Variants in SLC7A8 observed in about 807,000 individuals in gnomAD.
The protein encoded by SLC7A8 is large neutral amino acids transporter small subunit 2.
SLC7A8 carries 30 observed loss-of-function variants against 51.2 expected under a neutral mutation model. The observed-to-expected ratio is 0.59, with a 90% CI of 0.44 to 0.80. The LOEUF is 0.80. SLC7A8 is among the 30% of genes least tolerant of loss of function. The pLI is 0.00. For synonymous variants in SLC7A8, 257 were observed against 275.8 expected (o/e 0.93, Z 0.67); for missense variants, 612 against 674.4 (o/e 0.91, Z 1.03).
At chr14:23,135,178 C>T (rs1304191376) in intron 7 of SLC7A8, among the ~76,000 whole-genome samples, 2 of 152,048 alleles carry the variant, frequency 1.3e-5, no homozygotes, top group African/African-American at 2.4e-5. Context: ...ACCTCCGCCT[C>T]CTGGGTTCAA....
intron 3 of SLC7A8, among the ~76,000 whole-genome samples, chr14:23,161,593 G>GGTAGGTGGGTGGGT (rs1303751053): frequency 6.9e-6 from 1 of 144,336 alleles, no homozygotes; most frequent in Admixed American, 6.9e-5. Flanking sequence ...TGATGGTGGG[G>GGTAGGTGGGTGGGT]GTAGGTGGGT....
In SLC7A8 at chr14:23,144,114, C is replaced by CT. The variant is rs1300981717; in HGVS notation, c.509-911dup. 5.3e-5 allele frequency among the ~76,000 whole-genome samples: 8 copies of CT among 151,898 alleles called. No individual in the cohort carries two copies. The East Asian group carries it at 1.4e-3, about 26-fold the overall frequency. ...TTGTGATAAATACTTGTGTAGATGT[C>CT]TTTTTTCTTTTTGTGGATTGTAGAG... On this transcript the variant is annotated intron_variant, in intron 3 of 10. Coordinates refer to ENST00000316902, the MANE Select transcript of SLC7A8 (RefSeq NM_012244.4).
intron 6 of SLC7A8, among the ~76,000 whole-genome samples, chr14:23,138,936 G>A (rs958197145): frequency 1.4e-4 from 22 of 152,140 alleles, no homozygotes; most frequent in African/African-American, 4.6e-4. Flanking sequence ...CTTCTTAGAT[G>A]TGAAGGATCC....
intron 1 of SLC7A8, among the ~76,000 whole-genome samples, chr14:23,179,470 T>C (rs1413206909): frequency 1.3e-5 from 2 of 150,532 alleles, no homozygotes; most frequent in Admixed American, 6.6e-5. Flanking sequence ...ATGAGAGAGA[T>C]AGATTTAGGG....
At chr14:23,180,153 G>A (rs574249757) in intron 1 of SLC7A8, among the ~76,000 whole-genome samples, 25 of 152,270 alleles carry the variant, frequency 1.6e-4, no homozygotes, top group East Asian at 1.5e-3. Context: ...TGATCCGCCC[G>A]CCTTGGCCTC....
At chr14:23,137,886 G>T in intron 7 of SLC7A8, 35 bp downstream of exon 7, 1 of 1,607,894 alleles carries the variant, frequency 6.2e-7, no homozygotes, top group Non-Finnish European at 8.5e-7. Flanking sequence ...CAGCAGAGTG[G>T]CCCCTGGCCG....
intron 7 of SLC7A8, among the ~76,000 whole-genome samples, chr14:23,136,302 C>T (rs1407202909): frequency 6.6e-6 from 1 of 152,200 alleles, no homozygotes. Context: ...CAGTCTCATG[C>T]ACCAGGTGCT....
At chr14:23,143,033 A>G (rs770196564) in intron 4 of SLC7A8, 46 bp downstream of exon 4, 1 of 1,608,520 alleles carries the variant, frequency 6.2e-7, no homozygotes, top group Non-Finnish European at 8.5e-7. Context: ...GTGTACATGC[A>G]AGGGGAGGAA....
rs766053049 is a variant in SLC7A8 at position 23,129,712 on chromosome 14, C to T, written c.1201G>A (p.Val401Ile). 5 of 1,614,070 alleles carry T rather than the reference C, an allele frequency of 3.1e-6. No homozygotes were observed. The African/African-American group carries it at 5.3e-5, about 17-fold the overall frequency. Residue 401 changes from valine to isoleucine, a missense_variant, in exon 9 of 11, where the codon GTC becomes ATC. Transcript: ENST00000316902. Reference protein sequence around the residue: ...VGFINYLFYGVTVAGQIVLRW... With the variant: ...VGFINYLFYGITVAGQIVLRW... ...AGGACTATCTGTCCAGCAACCGTGA[C>T]CCCATAGAAGAGGTAGTTGATGAAG...
rs1306708370 is a variant in SLC7A8 at position 23,165,053 on chromosome 14, A to G, written c.508+232T>C. ...AGACATGTAGACCTCCAGGGAGGATAAAAGAGGCTGTCCCTCAGACTGGGT... is the reference window on the plus strand; with the variant it reads ...AGACATGTAGACCTCCAGGGAGGATGAAAGAGGCTGTCCCTCAGACTGGGT... On this transcript the variant is annotated intron_variant, in intron 3 of 10. Transcript: ENST00000316902. This position sits in a 1 kb window ranked among gnomAD's most constrained non-coding sequence, Gnocchi z 4.2. 6.6e-6 allele frequency among the ~76,000 whole-genome samples: 1 copy of G among 151,668 alleles called. No homozygotes were observed. Among genetic ancestry groups the G allele is most frequent in the East Asian group, 1.9e-4 (1 of 5,166 alleles).
chr14:23,148,760 A>C (rs2048820688), intron 3 of SLC7A8, among the ~76,000 whole-genome samples: 2 of 152,250 alleles, frequency 1.3e-5, no homozygotes, highest in South Asian at 4.1e-4. Context: ...AAGCTAGAAA[A>C]GGCAAGGAAT....
In SLC7A8 at chr14:23,126,726, T is replaced by G. The variant is rs909972140; in HGVS notation, c.*451A>C. 5.4e-6 allele frequency: 1 copy of G among 184,552 alleles called. No individual in the cohort carries two copies. Among genetic ancestry groups the G allele is most frequent in the Non-Finnish European group, 1.1e-5 (1 of 87,072 alleles). 11.4% of individuals were successfully genotyped at this position (184,552 alleles called of 1,614,324 possible). A position where few individuals can be genotyped will look rare whatever the true frequency, so the allele number is the denominator to read the frequency against. On this transcript the variant is annotated 3_prime_UTR_variant, in exon 11 of 11. Transcript: ENST00000316902. ...TTGGGTCCCTGGTGAACAGATAGGGTCTTGGGTCTCTCCAGCTGACCCCTT... is the reference window on the plus strand; with the variant it reads ...TTGGGTCCCTGGTGAACAGATAGGGGCTTGGGTCTCTCCAGCTGACCCCTT...
chr14:23,165,405 T>A lies in SLC7A8; in HGVS notation c.388A>T (p.Ile130Phe). The A allele has an allele frequency of 6.3e-7, 1 of 1,595,514 alleles. No homozygotes were observed. Among genetic ancestry groups the A allele is most frequent in the African/African-American group, 1.4e-5 (1 of 73,392 alleles). ...ATGACAGCCTGGTTGGTGGGGTAGA[T>A]CACCAGCACAGCAATCCACAGCCTC... ...FLRLWIAVLV[I>F]YPTNQAVIAL... The change falls in exon 3 of 11, where the codon ATC becomes TTC. Residue 130 changes from isoleucine (I) to phenylalanine (F), a missense_variant. Ile to Phe is a conservative substitution (Grantham distance 21). Transcript: ENST00000316902. The surrounding 1 kb of genome is among the most constrained non-coding windows in gnomAD (Gnocchi z 4.2).
intron 1 of SLC7A8, among the ~76,000 whole-genome samples, chr14:23,172,673 A>G (rs1333780528): frequency 6.6e-6 from 1 of 152,214 alleles, no homozygotes; most frequent in Non-Finnish European, 1.5e-5. Context: ...CTACCACCTC[A>G]AGAAGACAGC....
intron 7 of SLC7A8, among the ~76,000 whole-genome samples, 157 bp from the exon 8 acceptor site, chr14:23,131,714 C>A (rs748044121): frequency 1.3e-5 from 2 of 152,224 alleles, no homozygotes; most frequent in Admixed American, 6.5e-5. Flanking sequence ...AGTCACAGAA[C>A]CTGTGTTCAC....
chr14:23,173,604 C>A (rs2048985423), intron 1 of SLC7A8, among the ~76,000 whole-genome samples: 1 of 152,160 alleles, frequency 6.6e-6, no homozygotes, highest in South Asian at 2.1e-4. Context: ...ATTTCTTTCT[C>A]TCCTCGAGTT....
chr14:23,129,756 G>A lies in SLC7A8; in HGVS notation c.1157C>T (p.Thr386Ile), dbSNP rs771426767. Residue 386 changes from threonine to isoleucine, a missense_variant, in exon 9 of 11, where the codon ACA becomes ATA. Transcript: ENST00000316902. Reference protein sequence around the residue: ...LLMLVTSDMYTLINYVGFINY... With the variant: ...LLMLVTSDMYILINYVGFINY... ...GATGAAGCCCACATAGTTGATGAGT[G>A]TGTACATGTCGCTGGTGACCAGCAT... 1.9e-6 allele frequency: 3 copies of A among 1,614,194 alleles called. No homozygotes were observed. The highest frequency in any genetic ancestry group is 1.1e-5 in the South Asian group (1 of 91,084).
At chr14:23,179,951 A>G (rs1463505568) in intron 1 of SLC7A8, among the ~76,000 whole-genome samples, 2 of 147,574 alleles carry the variant, frequency 1.4e-5, no homozygotes, top group Non-Finnish European at 3.0e-5. Context: ...TGTCACCCAG[A>G]CTGGAGTGCA....
At chr14:23,179,797 G>A (rs1249313992) in intron 1 of SLC7A8, among the ~76,000 whole-genome samples, 2 of 151,964 alleles carry the variant, frequency 1.3e-5, no homozygotes, top group African/African-American at 2.4e-5. Flanking sequence ...GCAACACAGC[G>A]AGACACTGTC....
Sources: gnomAD v4.1 joint callset for allele counts (sites outside exome capture counted in the v4.1 genomes callset) on GRCh38, gnomAD v4.1.1 for gene constraint, Gnocchi (gnomAD v3.1) non-coding constraint, MANE v1.5 for transcripts, NCBI Gene and HGNC (gene_info 2026-07-23, HGNC 2026-07-21) for gene names.